CRISPLD2: variants seen among roughly 807,000 people sequenced by gnomAD.
CRISPLD2 encodes cysteine rich secretory protein LCCL domain containing 2.
In CRISPLD2, 47 loss-of-function variants were observed where a neutral mutation model predicts 71.1. That is an observed-to-expected ratio of 0.66 (90% CI 0.52 to 0.84). CRISPLD2 has a LOEUF of 0.84. Among genes scored for constraint, CRISPLD2 ranks in the 40% least tolerant of loss-of-function variants. The pLI is 0.00. For missense variants in CRISPLD2, 830 were observed against 651.1 expected, an observed-to-expected ratio of 1.27 and a Z score of -2.99; for synonymous variants, 317 against 250.1, an observed-to-expected ratio of 1.27 and a Z score of -2.52.
intron 14 of CRISPLD2, 120 bp from the exon 15 acceptor site, chr16:84,906,468 C>A: frequency 1.0e-6 from 1 of 961,172 alleles, no homozygotes; most frequent in Non-Finnish European, 1.6e-6. Flanking sequence ...TGTCCCTTGG[C>A]CATGGCTCTT....
chr16:84,870,772 G>T lies in CRISPLD2; in HGVS notation c.915-1670G>T, dbSNP rs147414242. Among the ~76,000 whole-genome samples the T allele has an allele frequency of 5.1e-3, 774 of 152,162 alleles. 11 individuals are homozygous for T. The highest frequency in any genetic ancestry group is 0.017 in the African/African-American group (708 of 41,512). ...TTCCAGCTTTTCACCATTATAAACA[G>T]TTGCGGCCAGGTACGGTGGCTCAAG... On this transcript the variant is annotated intron_variant, in intron 8 of 14. Transcript: ENST00000262424.
chr16:84,824,478 G>A (rs1364371154), intron 1 of CRISPLD2, among the ~76,000 whole-genome samples: 2 of 152,120 alleles, frequency 1.3e-5, no homozygotes, highest in Non-Finnish European at 2.9e-5. Context: ...TCCAAGAGCT[G>A]TTCTTTCCAT....
chr16:84,890,764 C>T lies in CRISPLD2; in HGVS notation c.1439+1401C>T, dbSNP rs371034692. Among the ~76,000 whole-genome samples the T allele has an allele frequency of 6.6e-5, 10 of 152,152 alleles. No homozygotes were observed. The South Asian group carries it at 2.1e-3, about 32-fold the overall frequency. On this transcript the variant is annotated intron_variant, in intron 14 of 14. Coordinates refer to ENST00000262424, the MANE Select transcript of CRISPLD2 (RefSeq NM_031476.4). Reference sequence around the variant, plus strand: ...GAGCCGGGATTGTGTCACTGCACTCCAGCCTGGGCAACAAGAGCAAAACTC... The same window carrying T: ...GAGCCGGGATTGTGTCACTGCACTCTAGCCTGGGCAACAAGAGCAAAACTC...
chr16:84,882,978 T>C (rs1027139247), intron 13 of CRISPLD2, among the ~76,000 whole-genome samples: 2 of 152,238 alleles, frequency 1.3e-5, no homozygotes, highest in African/African-American at 4.8e-5. Context: ...GAAAAAGCTA[T>C]GTGCAGTCTT....
At chr16:84,855,486 A>T (rs964437660) in intron 6 of CRISPLD2, among the ~76,000 whole-genome samples, 5 of 152,180 alleles carry the variant, frequency 3.3e-5, no homozygotes, top group Non-Finnish European at 5.9e-5. Flanking sequence ...AAGTCAGTCT[A>T]GTCTTTTCAC....
chr16:84,875,723 ATTTTTTTT>A (rs35350672), intron 11 of CRISPLD2, among the ~76,000 whole-genome samples: 11 of 128,870 alleles, frequency 8.5e-5, no homozygotes, highest in African/African-American at 2.8e-4. Flanking sequence ...TGTCCAGCTA[ATTTTTTTT>A]TTTTTTTTTT....
intron 8 of CRISPLD2, among the ~76,000 whole-genome samples, chr16:84,870,377 C>T (rs958927376): frequency 6.6e-6 from 1 of 151,684 alleles, no homozygotes; most frequent in Non-Finnish European, 1.5e-5. Flanking sequence ...TGAAGTGCAG[C>T]AGCATGATCT....
rs775753587 is a variant in CRISPLD2 at position 84,873,139 on chromosome 16, C to T, written c.1112+17C>T. ...GTCCCTCAGGTAACTACTCTGTGATCGGGGCTCTGTGAAACGGTTTTCCTG... is the reference window on the plus strand; with the variant it reads ...GTCCCTCAGGTAACTACTCTGTGATTGGGGCTCTGTGAAACGGTTTTCCTG... On this transcript the variant is annotated intron_variant, in intron 10 of 14. Coordinates refer to ENST00000262424, the MANE Select transcript of CRISPLD2 (RefSeq NM_031476.4). 10 of 1,604,870 alleles carry T rather than the reference C, an allele frequency of 6.2e-6. No individual in the cohort carries two copies. The highest frequency in any genetic ancestry group is 4.0e-5 in the African/African-American group (3 of 74,268).
rs567314331 is a variant in CRISPLD2 at position 84,847,288 on chromosome 16, G to A, written c.359+1384G>A. 6.6e-5 allele frequency among the ~76,000 whole-genome samples: 10 copies of A among 152,246 alleles called. No homozygotes were observed. The East Asian group carries it at 9.6e-4, about 15-fold the overall frequency. On this transcript the variant is annotated intron_variant, in intron 3 of 14. Transcript: ENST00000262424. ...ACCTGGGCAGGTGTCATGGTGGATC[G>A]ACCGCGGTGACTTCACAGAGGCAAA...
chr16:84,891,068 C>T lies in CRISPLD2; in HGVS notation c.1439+1705C>T, dbSNP rs117392219. On this transcript the variant is annotated intron_variant, in intron 14 of 14. Coordinates refer to ENST00000262424, the MANE Select transcript of CRISPLD2 (RefSeq NM_031476.4). ...AGGTGTGAGCCACCGCACTCGGCCG[C>T]CATGATTATCTCTTTAAAGATCTGC... Among the ~76,000 whole-genome samples the T allele has an allele frequency of 3.7e-4, 56 of 152,250 alleles. No individual in the cohort carries two copies. In the East Asian group the frequency reaches 8.3e-3, roughly 23 times the overall value.
chr16:84,887,740 G>A (rs142835367), intron 13 of CRISPLD2, among the ~76,000 whole-genome samples: 1 of 152,300 alleles, frequency 6.6e-6, no homozygotes, highest in Non-Finnish European at 1.5e-5. Context: ...GCCAGACGTG[G>A]TGGTGCGTGC....
intron 1 of CRISPLD2, among the ~76,000 whole-genome samples, chr16:84,826,133 C>G (rs1290821179): frequency 6.6e-6 from 1 of 151,976 alleles, no homozygotes; most frequent in African/African-American, 2.4e-5. Flanking sequence ...GGCCCTGGCA[C>G]AAAGGTGGGG....
intron 1 of CRISPLD2, among the ~76,000 whole-genome samples, chr16:84,834,475 G>A (rs1454957491): frequency 2.0e-5 from 3 of 152,246 alleles, no homozygotes; most frequent in East Asian, 1.9e-4. Context: ...ACTGGGCCTC[G>A]GCCAATTGGT....
chr16:84,832,470 C>A (rs965260398), intron 1 of CRISPLD2, among the ~76,000 whole-genome samples: 3 of 152,246 alleles, frequency 2.0e-5, no homozygotes, highest in African/African-American at 7.2e-5. Context: ...TAGCTGGGAG[C>A]AGGAGGGGGC....
intron 11 of CRISPLD2, among the ~76,000 whole-genome samples, chr16:84,875,286 A>G (rs1223959286): frequency 6.9e-6 from 1 of 144,958 alleles, no homozygotes; most frequent in Non-Finnish European, 1.5e-5. Context: ...TGTGTCAGGA[A>G]TATATTTCTG....
intron 12 of CRISPLD2, among the ~76,000 whole-genome samples, chr16:84,878,858 G>A (rs1478301201): frequency 1.3e-5 from 2 of 152,214 alleles, no homozygotes; most frequent in East Asian, 3.8e-4. Context: ...AACAGAGCAC[G>A]CTTTCTGACT....
At chr16:84,864,120 AGT>A (rs1437713103) in intron 6 of CRISPLD2, among the ~76,000 whole-genome samples, 2 of 152,178 alleles carry the variant, frequency 1.3e-5, no homozygotes, top group African/African-American at 4.8e-5. Flanking sequence ...GAATCTGCAG[AGT>A]GACATAAACA....
At chr16:84,840,311 C>G (rs538427336) in intron 2 of CRISPLD2, among the ~76,000 whole-genome samples, 106 of 152,280 alleles carry the variant, frequency 7.0e-4, no homozygotes, top group Non-Finnish European at 1.4e-3. Flanking sequence ...TTAATCCTGA[C>G]AGTAATCCTG....
intron 13 of CRISPLD2, among the ~76,000 whole-genome samples, chr16:84,885,812 C>CTTTTTTTTTTTT (rs781115960): frequency 1.0e-5 from 1 of 95,772 alleles, no homozygotes; most frequent in Non-Finnish European, 2.1e-5. Flanking sequence ...TGGATCCCTT[C>CTTTTTTTTTTTT]TTTTTTTTTT....
Sources: allele counts gnomAD v4.1 joint callset (sites outside exome capture counted in the v4.1 genomes callset), GRCh38; gene constraint gnomAD v4.1.1; transcripts MANE v1.5; gene names NCBI Gene and HGNC (gene_info 2026-07-23, HGNC 2026-07-21).